UVRAG: variants seen among roughly 807,000 people sequenced by gnomAD.
UVRAG encodes UV radiation resistance associated.
Under a neutral mutation model 78.0 loss-of-function variants are expected in UVRAG, and 19 were observed. That is an observed-to-expected ratio of 0.24 (90% CI 0.17 to 0.36). The LOEUF is 0.36. Ranked by LOEUF, UVRAG falls within the 10% of genes least tolerant of loss-of-function variation. The pLI, the probability that UVRAG is intolerant of heterozygous loss-of-function variation, is 1.00. For missense variants in UVRAG, 740 were observed against 853.8 expected (o/e 0.87, Z 1.66); for synonymous variants, 323 against 324.6 (o/e 1.00, Z 0.05).
intron 7 of UVRAG, among the ~76,000 whole-genome samples, chr11:75,982,457 T>C (rs907222144): frequency 1.3e-5 from 2 of 151,768 alleles, no homozygotes; most frequent in Non-Finnish European, 2.9e-5. Context: ...CTGGGTAGAG[T>C]GAAAGTGACT....
chr11:75,875,494 T>C (rs994345977), intron 3 of UVRAG, among the ~76,000 whole-genome samples: 4 of 151,868 alleles, frequency 2.6e-5, no homozygotes, highest in African/African-American at 7.3e-5. Context: ...TTAATCAGTC[T>C]AGGAAATTGC....
At chr11:75,885,949 A>G (rs55984423) in intron 4 of UVRAG, among the ~76,000 whole-genome samples, 5,265 of 152,130 alleles carry the variant, frequency 0.035, 295 homozygotes, top group African/African-American at 0.12. Flanking sequence ...CACCGTTTTT[A>G]TGACACTCAT....
chr11:75,841,246 T>C (rs1474800343), intron 1 of UVRAG, among the ~76,000 whole-genome samples: 1 of 152,200 alleles, frequency 6.6e-6, no homozygotes, highest in Non-Finnish European at 1.5e-5. Context: ...AATACTATTT[T>C]AAGAAATTAT....
chr11:76,050,456 T>C lies in UVRAG; in HGVS notation c.1227-15254T>C, dbSNP rs186614510. Among the ~76,000 whole-genome samples the C allele has an allele frequency of 1.0e-3, 159 of 152,340 alleles. 1 individual carries two copies. The highest frequency in any genetic ancestry group is 1.6e-3 in the Non-Finnish European group (108 of 68,024). On this transcript the variant is annotated intron_variant, in intron 12 of 14. Coordinates refer to ENST00000356136, the MANE Select transcript of UVRAG (RefSeq NM_003369.4). Reference sequence around the variant, plus strand: ...CCCACTTTCAATAAGAATCTGAGCTTAACACCCATGTCCTCAAGGAAATTG... The same window carrying C: ...CCCACTTTCAATAAGAATCTGAGCTCAACACCCATGTCCTCAAGGAAATTG...
intron 13 of UVRAG, among the ~76,000 whole-genome samples, chr11:76,094,677 T>A (rs1235848381): frequency 8.5e-5 from 13 of 152,236 alleles, no homozygotes; most frequent in Non-Finnish European, 1.6e-4. Flanking sequence ...CTGATGGTAG[T>A]TTATATCTCT....
intron 14 of UVRAG, among the ~76,000 whole-genome samples, chr11:76,130,898 G>C (rs1179583335): frequency 6.6e-6 from 1 of 151,386 alleles, no homozygotes; most frequent in African/African-American, 2.4e-5. Flanking sequence ...TTGTTCCTCT[G>C]GTTTCCCTGG....
At chr11:76,097,056 G>A (rs978560311) in intron 13 of UVRAG, among the ~76,000 whole-genome samples, 54 of 152,118 alleles carry the variant, frequency 3.5e-4, no homozygotes, top group African/African-American at 1.2e-3. Context: ...CTGGCACTCC[G>A]CAAGTGCAAG....
intron 8 of UVRAG, among the ~76,000 whole-genome samples, chr11:75,986,784 AG>A (rs1949509028): frequency 6.8e-6 from 1 of 147,848 alleles, no homozygotes; most frequent in Non-Finnish European, 1.5e-5. Flanking sequence ...CCCAGTTCTA[AG>A]TAACCACCCC....
intron 3 of UVRAG, among the ~76,000 whole-genome samples, chr11:75,874,487 A>C (rs966337804): frequency 6.6e-6 from 1 of 152,196 alleles, no homozygotes; most frequent in Admixed American, 6.5e-5. Flanking sequence ...ATTATGATGC[A>C]TTTTATGATT....
intron 4 of UVRAG, among the ~76,000 whole-genome samples, chr11:75,885,243 T>C (rs1947050285): frequency 6.6e-6 from 1 of 152,082 alleles, no homozygotes; most frequent in African/African-American, 2.4e-5. Flanking sequence ...TTTTGGTAGA[T>C]TTCTTTTGTA....
chr11:76,011,914 G>A (rs1310807719), intron 11 of UVRAG, among the ~76,000 whole-genome samples: 1 of 152,154 alleles, frequency 6.6e-6, no homozygotes, highest in African/African-American at 2.4e-5. Context: ...CTTCTATCAG[G>A]AGCGATCAGG....
chr11:75,851,151 GAT>G (rs910284070), intron 1 of UVRAG, among the ~76,000 whole-genome samples: 5 of 152,174 alleles, frequency 3.3e-5, no homozygotes, highest in Non-Finnish European at 7.4e-5. Context: ...TTCTCTTTTT[GAT>G]ATATGAGTTG....
chr11:76,075,888 G>T (rs183519451), intron 13 of UVRAG, among the ~76,000 whole-genome samples: 112 of 152,264 alleles, frequency 7.4e-4, no homozygotes, highest in African/African-American at 2.6e-3. Context: ...ATAGGCTCAA[G>T]GTTTATCCAT....
At chr11:76,104,876 A>G (rs1951943311) in intron 13 of UVRAG, among the ~76,000 whole-genome samples, 1 of 152,192 alleles carries the variant, frequency 6.6e-6, no homozygotes, top group Non-Finnish European at 1.5e-5. Context: ...TAAAACTGAT[A>G]TGTAGATTTA....
At chr11:76,006,751 G>A (rs1395157357) in intron 9 of UVRAG, among the ~76,000 whole-genome samples, 1 of 148,176 alleles carries the variant, frequency 6.7e-6, no homozygotes, top group Non-Finnish European at 1.5e-5. Context: ...TTTTCTTACA[G>A]TCCAACATAT....
chr11:75,886,090 C>T (rs534231342), intron 4 of UVRAG, among the ~76,000 whole-genome samples: 3 of 152,174 alleles, frequency 2.0e-5, no homozygotes, highest in Admixed American at 6.5e-5. Context: ...AGTCAGAGTT[C>T]CCTTCTCTGA....
intron 6 of UVRAG, chr11:75,916,158 T>C (rs1196933079): frequency 6.6e-6 from 1 of 152,236 alleles, no homozygotes; most frequent in Admixed American, 6.5e-5. Flanking sequence ...GCCAGTTTAA[T>C]AAGTGGAAGT....
rs141132684 is a variant in UVRAG at position 76,076,775 on chromosome 11, A to G, written c.1305+10987A>G. Among the ~76,000 whole-genome samples, 1,181 of 150,432 alleles carry G rather than the reference A, an allele frequency of 7.9e-3. 29 individuals are homozygous for G. The highest frequency in any genetic ancestry group is 4.6e-3 in the Non-Finnish European group (309 of 67,662). On this transcript the variant is annotated intron_variant, in intron 13 of 14. Coordinates refer to ENST00000356136, the MANE Select transcript of UVRAG (RefSeq NM_003369.4). ...CTTCTTTGGAGAAATAACTATTCCA[A>G]CCCTTTGACCATTTTTAAATTAGGT...
At chr11:76,014,625 T>C (rs922192953) in intron 11 of UVRAG, among the ~76,000 whole-genome samples, 1 of 152,190 alleles carries the variant, frequency 6.6e-6, no homozygotes, top group Non-Finnish European at 1.5e-5. Context: ...ACTCCACACC[T>C]GTATAGGTAT....
Sources: gnomAD v4.1 joint callset for allele counts (sites outside exome capture counted in the v4.1 genomes callset) on GRCh38, gnomAD v4.1.1 for gene constraint, MANE v1.5 for transcripts, NCBI Gene and HGNC (gene_info 2026-07-23, HGNC 2026-07-21) for gene names.